Variants in MAGI2 observed in about 807,000 individuals in gnomAD.
MAGI2 encodes membrane associated guanylate kinase, WW and PDZ domain containing 2, also known as membrane-associated guanylate kinase, WW and PDZ domain-containing protein 2.
A neutral mutation model predicts 133.3 loss-of-function variants in MAGI2; 35 were observed. The ratio of observed to expected loss-of-function variants is 0.26; its 90% confidence interval spans 0.20 to 0.35. The LOEUF is 0.35. Ranked by LOEUF, MAGI2 falls within the 10% of genes least tolerant of loss-of-function variation. The probability of loss-of-function intolerance (pLI) is 1.00; values close to 1 mark genes in which losing one functional copy is unlikely to be tolerated. For synonymous variants in MAGI2, 729 were observed against 710.6 expected (o/e 1.03, Z -0.41); for missense variants, 1,636 against 1,863.4 (o/e 0.88, Z 2.25).
intron 1 of MAGI2, among the ~76,000 whole-genome samples, chr7:79,450,560 A>G (rs1849170941): frequency 6.6e-6 from 1 of 152,174 alleles, no homozygotes; most frequent in Non-Finnish European, 1.5e-5. Flanking sequence ...CAAATTTATC[A>G]TCAATGAACC....
intron 1 of MAGI2, among the ~76,000 whole-genome samples, chr7:79,007,427 T>C (rs1807570271): frequency 6.6e-6 from 1 of 152,206 alleles, no homozygotes; most frequent in African/African-American, 2.4e-5. Flanking sequence ...TTGCATGTAT[T>C]CCTAAATTTA....
chr7:78,951,840 T>G (rs1190644766), intron 2 of MAGI2, among the ~76,000 whole-genome samples: 1 of 152,202 alleles, frequency 6.6e-6, no homozygotes, highest in Non-Finnish European at 1.5e-5. Flanking sequence ...TGAAATACAT[T>G]GTAATCTATT....
At chr7:79,149,643 T>C (rs554298235) in intron 1 of MAGI2, among the ~76,000 whole-genome samples, 2 of 152,280 alleles carry the variant, frequency 1.3e-5, no homozygotes, top group South Asian at 4.1e-4. Context: ...TTCAGTTTAG[T>C]GCTATCTTTC....
At chr7:78,036,593 T>A (rs1225263021) in intron 21 of MAGI2, among the ~76,000 whole-genome samples, 12 of 151,998 alleles carry the variant, frequency 7.9e-5, no homozygotes, top group African/African-American at 2.7e-4. Flanking sequence ...ATCCAGAGAT[T>A]GTCCAGTTTT....
chr7:78,152,144 T>G (rs1045675695), intron 16 of MAGI2, among the ~76,000 whole-genome samples: 1 of 152,134 alleles, frequency 6.6e-6, no homozygotes, highest in Non-Finnish European at 1.5e-5. Context: ...ATGTTTACTG[T>G]TTGGGCAATA....
intron 1 of MAGI2, among the ~76,000 whole-genome samples, chr7:79,237,172 A>G (rs1167290216): frequency 6.6e-6 from 1 of 152,256 alleles, no homozygotes; most frequent in African/African-American, 2.4e-5. Flanking sequence ...GGGTCTTTAC[A>G]AACTCACAAA....
chr7:78,638,238 G>C (rs186349825), intron 2 of MAGI2, among the ~76,000 whole-genome samples: 1 of 152,160 alleles, frequency 6.6e-6, no homozygotes, highest in Non-Finnish European at 1.5e-5. Flanking sequence ...TAAATGACCA[G>C]ATTTAATTAC....
At chr7:78,817,455 GAA>G (rs1206967574) in intron 2 of MAGI2, among the ~76,000 whole-genome samples, 1 of 151,714 alleles carries the variant, frequency 6.6e-6, no homozygotes, top group Non-Finnish European at 1.5e-5. Flanking sequence ...TGTTGTGAAA[GAA>G]AGAGTTAATC....
At chr7:79,059,812 A>C (rs987332010) in intron 1 of MAGI2, among the ~76,000 whole-genome samples, 4 of 152,184 alleles carry the variant, frequency 2.6e-5, no homozygotes, top group Non-Finnish European at 4.4e-5. Flanking sequence ...CCTAGTATAA[A>C]GAACCTAGTT....
intron 2 of MAGI2, among the ~76,000 whole-genome samples, chr7:78,828,480 A>T (rs1347109360): frequency 6.6e-6 from 1 of 151,986 alleles, no homozygotes; most frequent in Non-Finnish European, 1.5e-5. Context: ...TCTGAGAGAC[A>T]TTCTATAAAA....
intron 9 of MAGI2, among the ~76,000 whole-genome samples, chr7:78,279,915 T>C (rs1795396824): frequency 6.6e-6 from 1 of 152,178 alleles, no homozygotes; most frequent in Admixed American, 6.6e-5. Context: ...ATTTGCCTCA[T>C]ACAGGACACC....
chr7:79,325,691 C>T (rs1176426924), intron 1 of MAGI2, among the ~76,000 whole-genome samples: 6 of 152,118 alleles, frequency 3.9e-5, no homozygotes, highest in South Asian at 2.1e-4. Context: ...TAATTCCACT[C>T]GGAGGGTGTA....
chr7:78,885,676 C>T (rs1444289648), intron 2 of MAGI2, among the ~76,000 whole-genome samples: 1 of 142,602 alleles, frequency 7.0e-6, no homozygotes, highest in Non-Finnish European at 1.6e-5. Flanking sequence ...AATATATTTA[C>T]ACATTTCCAT....
intron 3 of MAGI2, among the ~76,000 whole-genome samples, chr7:78,536,618 G>A (rs1797955814): frequency 6.6e-6 from 1 of 152,126 alleles, no homozygotes. Context: ...GCTTGTGCTT[G>A]AAGAACTGGA....
At chr7:78,108,701 CAT>C (rs762863932) in intron 20 of MAGI2, among the ~76,000 whole-genome samples, 5 of 120,978 alleles carry the variant, frequency 4.1e-5, no homozygotes, top group South Asian at 2.9e-4. Context: ...TATACACACA[CAT>C]ATGTGAGTGT....
At chr7:78,457,582 A>C (rs1332210465) in intron 6 of MAGI2, among the ~76,000 whole-genome samples, 1 of 152,236 alleles carries the variant, frequency 6.6e-6, no homozygotes, top group Non-Finnish European at 1.5e-5. Context: ...ATATTAAAAC[A>C]TGATAGTCCA....
intron 2 of MAGI2, among the ~76,000 whole-genome samples, chr7:78,679,701 G>A (rs1305370846): frequency 3.3e-5 from 5 of 152,128 alleles, no homozygotes; most frequent in Admixed American, 6.6e-5. Context: ...AAGACAGGTC[G>A]GAGGAAGCAC....
At chr7:78,852,533 A>G (rs1793234677) in intron 2 of MAGI2, among the ~76,000 whole-genome samples, 1 of 152,142 alleles carries the variant, frequency 6.6e-6, no homozygotes, top group African/African-American at 2.4e-5. Context: ...AATTTGATTC[A>G]CCTGGAATTG....
intron 1 of MAGI2, among the ~76,000 whole-genome samples, chr7:79,102,915 T>C (rs915874880): frequency 6.6e-6 from 1 of 152,178 alleles, no homozygotes; most frequent in Non-Finnish European, 1.5e-5. Flanking sequence ...GGTGATCCCA[T>C]ATAATCTGGG....
Sources: gnomAD v4.1 joint callset for allele counts (sites outside exome capture counted in the v4.1 genomes callset) on GRCh38, gnomAD v4.1.1 for gene constraint, MANE v1.5 for transcripts, NCBI Gene and HGNC (gene_info 2026-07-23, HGNC 2026-07-21) for gene names.